SHCBP1L: variants seen among roughly 807,000 people sequenced by gnomAD.
SHCBP1L encodes the protein SHC binding and spindle associated 1 like.
In SHCBP1L, 67 loss-of-function variants were observed where a neutral mutation model predicts 62.5. The observed-to-expected ratio is 1.07, with a 90% confidence interval of 0.88 to 1.31. The LOEUF is 1.31. Among genes scored for constraint, SHCBP1L ranks in the 40% most tolerant of loss-of-function variants. The pLI, the probability that SHCBP1L is intolerant of heterozygous loss-of-function variation, is 0.00. For missense variants in SHCBP1L, 823 were observed against 809.8 expected (o/e 1.02, Z -0.20); for synonymous variants, 284 against 289.4 (o/e 0.98, Z 0.19).
At position 182,942,236 on chromosome 1, in the gene SHCBP1L, C is replaced by T. The variant is rs201851156; in HGVS notation, c.556-1693G>A. 1,157 of 1,362,542 alleles carry T rather than the reference C, an allele frequency of 8.5e-4. 2 individuals are homozygous for T. The highest frequency in any genetic ancestry group is 1.1e-3 in the Non-Finnish European group (1,039 of 950,488). The allele number at this position is 1,362,542 out of a possible 1,614,324, so 84.4% of individuals were successfully genotyped here. On this transcript the variant is annotated intron_variant, in intron 2 of 9. Transcript: ENST00000367547. ...TTCGGCCTGTTTTCCCTTTGCTCCC[C>T]TTTTCCCTTTTGTTTGCACTTTTTT...
chr1:182,938,561 A>G (rs1247939885), intron 5 of SHCBP1L, among the ~76,000 whole-genome samples: 5 of 152,106 alleles, frequency 3.3e-5, no homozygotes, highest in African/African-American at 1.2e-4. Context: ...CTTCGGCTCA[A>G]GTGATCCTCC....
At chr1:182,948,016 A>T (rs1468795375) in intron 2 of SHCBP1L, among the ~76,000 whole-genome samples, 1 of 152,190 alleles carries the variant, frequency 6.6e-6, no homozygotes, top group African/African-American at 2.4e-5. Flanking sequence ...TCTCTAGCTT[A>T]CTTTATTGTA....
At chr1:182,917,865 G>A (rs960314181) in intron 6 of SHCBP1L, among the ~76,000 whole-genome samples, 3 of 152,022 alleles carry the variant, frequency 2.0e-5, no homozygotes, top group Non-Finnish European at 4.4e-5. Context: ...GAATTTTGGA[G>A]GGACGCAATT....
chr1:182,926,477 G>T lies in SHCBP1L; in HGVS notation c.1182+3170C>A, dbSNP rs549497545. Among the ~76,000 whole-genome samples, 22 of 152,246 alleles carry T rather than the reference G, an allele frequency of 1.4e-4. No individual in the cohort carries two copies. In the South Asian group the frequency reaches 3.7e-3, roughly 26 times the overall value. The stretch of plus-strand genomic sequence containing the variant: ...TTATGTGCTAGGCATTTTGCTAAAA[G>T]ATTTATATAAATTATTTCACTTAAG... On this transcript the variant is annotated intron_variant, in intron 6 of 9. Coordinates refer to ENST00000367547, the MANE Select transcript of SHCBP1L (RefSeq NM_030933.4).
At chr1:182,918,057 CCTCT>C (rs369505295) in intron 6 of SHCBP1L, among the ~76,000 whole-genome samples, 4 of 149,494 alleles carry the variant, frequency 2.7e-5, no homozygotes, top group Admixed American at 6.7e-5. Context: ...TATATACTCT[CCTCT>C]CTCTCTCTAT....
chr1:182,936,769 G>T (rs796382821), intron 5 of SHCBP1L, among the ~76,000 whole-genome samples: 2 of 151,970 alleles, frequency 1.3e-5, no homozygotes, highest in South Asian at 4.2e-4. Flanking sequence ...AAAAATAGAG[G>T]CTGGACACAG....
chr1:182,922,906 G>A (rs191078240), intron 6 of SHCBP1L, among the ~76,000 whole-genome samples: 21 of 152,170 alleles, frequency 1.4e-4, no homozygotes, highest in African/African-American at 5.1e-4. Flanking sequence ...AAATTAGAGT[G>A]GAACTGAATG....
chr1:182,930,681 GTGTGTGTGTGTGTGTGTGTGTGTATATA>G (rs1557999463), intron 5 of SHCBP1L, among the ~76,000 whole-genome samples: 1 of 85,770 alleles, frequency 1.2e-5, no homozygotes, highest in African/African-American at 5.3e-5. Context: ...GTGTGTGTGT[GTGTGTGTGTGTGTGTGTGTGTGTATATA>G]TATATATATA....
chr1:182,942,201 G>A, intron 2 of SHCBP1L: 3 of 1,238,890 alleles, frequency 2.4e-6, no homozygotes, highest in Non-Finnish European at 3.6e-6. Flanking sequence ...TTAGTTTCTT[G>A]GTTAGCCACT....
intron 5 of SHCBP1L, among the ~76,000 whole-genome samples, chr1:182,931,775 C>A (rs551352178): frequency 3.3e-5 from 5 of 152,158 alleles, no homozygotes; most frequent in African/African-American, 1.2e-4. Flanking sequence ...ATCATTATCA[C>A]CCAAAGTCCA....
chr1:182,938,018 T>C (rs559406415), intron 5 of SHCBP1L, among the ~76,000 whole-genome samples: 123 of 152,292 alleles, frequency 8.1e-4, no homozygotes, highest in Middle Eastern at 3.4e-3. Context: ...TCTGGCTAGG[T>C]TGTGTTTAAT....
rs763428104 is a variant in SHCBP1L, at chr1:182,952,915, C to A, written c.219G>T (p.Leu73=). ...CCGTGTCCTCGGCCTGAGCCGCGGG[C>A]AGGCGCTGGAGCCGCAGCCTGGCCG... The part of the protein sequence containing the change: ...RETARLRLQR[L]PAAQAEDTGE... Residue 73 remains leucine (L), a synonymous_variant, in exon 1 of 10, where the codon CTG becomes CTT. Coordinates refer to ENST00000367547, the MANE Select transcript of SHCBP1L (RefSeq NM_030933.4). 1 of 1,568,622 alleles carries A rather than the reference C, an allele frequency of 6.4e-7. No individual in the cohort carries two copies. The highest frequency in any genetic ancestry group is 1.2e-5 in the South Asian group (1 of 86,522).
In SHCBP1L at chr1:182,902,131, C is replaced by T. The variant is rs571223481; in HGVS notation, c.1710+908G>A. On this transcript the variant is annotated intron_variant, in intron 9 of 9. Transcript: ENST00000367547. ...GCTGGAGTGCAGTGGTGCACTGCAA[C>T]GTCCACCTCTCGAGTTCAAGTGATT... is the stretch of plus-strand genomic sequence containing the variant. 5.5e-5 allele frequency among the ~76,000 whole-genome samples: 8 copies of T among 145,420 alleles called. No homozygotes were observed. The South Asian group carries it at 1.1e-3, about 20-fold the overall frequency.
At chr1:182,931,854 T>A (rs1651007980) in intron 5 of SHCBP1L, among the ~76,000 whole-genome samples, 1 of 151,886 alleles carries the variant, frequency 6.6e-6, no homozygotes, top group Non-Finnish European at 1.5e-5. Flanking sequence ...TAATGACATG[T>A]AGCCACCATT....
chr1:182,949,287 A>G lies in SHCBP1L; in HGVS notation c.555+2031T>C, dbSNP rs553198196. ...AACCCACAAACTTATACTAAAAAAAAAAAAGTCATAAAGCCAGATGAAAAC... is the reference window on the plus strand; with the variant it reads ...AACCCACAAACTTATACTAAAAAAAGAAAAGTCATAAAGCCAGATGAAAAC... On this transcript the variant is annotated intron_variant, in intron 2 of 9. Coordinates refer to ENST00000367547, the MANE Select transcript of SHCBP1L (RefSeq NM_030933.4). 3.3e-5 allele frequency among the ~76,000 whole-genome samples: 5 copies of G among 152,180 alleles called. No individual in the cohort carries two copies. In the South Asian group the frequency reaches 1.0e-3, roughly 32 times the overall value.
rs555292297 is a variant in SHCBP1L, at chr1:182,918,145, CATAT to C, written c.1182+11498_1182+11501del. 5.5e-3 allele frequency among the ~76,000 whole-genome samples: 810 copies of C among 146,492 alleles called. 10 individuals carry two copies. Among genetic ancestry groups the C allele is most frequent in the African/African-American group, 0.018 (716 of 39,958 alleles). ...ATACGTGTGTGTGTATATATATACA[CATAT>C]ATATACACATATATATACACACATA... On this transcript the variant is annotated intron_variant, in intron 6 of 9. Coordinates refer to ENST00000367547, the MANE Select transcript of SHCBP1L (RefSeq NM_030933.4).
chr1:182,923,879 T>G (rs1231096664), intron 6 of SHCBP1L, among the ~76,000 whole-genome samples: 1 of 152,178 alleles, frequency 6.6e-6, no homozygotes, highest in Non-Finnish European at 1.5e-5. Flanking sequence ...CTGGAAGTCC[T>G]AGCCAGAGCA....
chr1:182,931,691 C>T (rs1651000258), intron 5 of SHCBP1L, among the ~76,000 whole-genome samples: 1 of 152,160 alleles, frequency 6.6e-6, no homozygotes, highest in South Asian at 2.1e-4. Flanking sequence ...CCCCCGCACA[C>T]ACAACCTGCC....
intron 2 of SHCBP1L, among the ~76,000 whole-genome samples, chr1:182,946,901 G>C (rs1457618089): frequency 6.6e-6 from 1 of 152,132 alleles, no homozygotes; most frequent in Non-Finnish European, 1.5e-5. Context: ...TTTCCAGGTT[G>C]TTAGCTCTTC....
Sources: gnomAD v4.1 joint callset for allele counts (sites outside exome capture counted in the v4.1 genomes callset) on GRCh38, gnomAD v4.1.1 for gene constraint, MANE v1.5 for transcripts, NCBI Gene and HGNC (gene_info 2026-07-23, HGNC 2026-07-21) for gene names.